The following CTNNA2 variants were observed in gnomAD, a reference collection of about 807,000 sequenced individuals.
CTNNA2 encodes catenin alpha 2, also known as catenin alpha-2.
CTNNA2 carries 42 observed loss-of-function variants against 101.0 expected under a neutral mutation model. The ratio of observed to expected loss-of-function variants is 0.42; its 90% CI spans 0.32 to 0.54. CTNNA2 has a LOEUF of 0.54. Among genes scored for constraint, CTNNA2 ranks in the 20% least tolerant of loss-of-function variants. The pLI, the probability that CTNNA2 is intolerant of heterozygous loss-of-function variation, is 0.14. For synonymous variants in CTNNA2, 450 were observed against 456.4 expected, an observed-to-expected ratio of 0.99 and a Z score of 0.18; for missense variants, 871 against 1,223.1, an observed-to-expected ratio of 0.71 and a Z score of 4.29.
At chr2:79,446,518 T>TGG (rs1002634601) in intron 4 of CTNNA2, among the ~76,000 whole-genome samples, 1 of 151,950 alleles carries the variant, frequency 6.6e-6, no homozygotes, top group African/African-American at 2.4e-5. Context: ...TGCACAGGAG[T>TGG]GGAATTACTC....
At chr2:80,231,098 A>G (rs986439527) in intron 7 of CTNNA2, among the ~76,000 whole-genome samples, 6 of 152,060 alleles carry the variant, frequency 3.9e-5, no homozygotes, top group African/African-American at 1.4e-4. Flanking sequence ...CGGCCTCCCA[A>G]GTAGCTGGGA....
At chr2:80,467,481 CA>C (rs1684958059) in intron 9 of CTNNA2, among the ~76,000 whole-genome samples, 1 of 152,030 alleles carries the variant, frequency 6.6e-6, no homozygotes, top group Non-Finnish European at 1.5e-5. Context: ...ATAATTAGTT[CA>C]AAATAAAAGT....
intron 2 of CTNNA2, among the ~76,000 whole-genome samples, chr2:79,213,814 G>A (rs1246459158): frequency 6.6e-6 from 1 of 152,108 alleles, no homozygotes; most frequent in African/African-American, 2.4e-5. Flanking sequence ...GAAAGTATAT[G>A]CGTCAGGTAT....
chr2:79,848,037 A>G (rs1271510146), intron 3 of CTNNA2, among the ~76,000 whole-genome samples: 1 of 152,210 alleles, frequency 6.6e-6, no homozygotes, highest in African/African-American at 2.4e-5. Flanking sequence ...GGTACTGATC[A>G]ATAGAAACAT....
chr2:80,284,013 G>T (rs1303067534), intron 7 of CTNNA2, among the ~76,000 whole-genome samples: 1 of 152,166 alleles, frequency 6.6e-6, no homozygotes, highest in South Asian at 2.1e-4. Context: ...CAATTAGTGT[G>T]AGTAGAATGA....
intron 1 of CTNNA2, among the ~76,000 whole-genome samples, chr2:79,549,924 T>A (rs1573318006): frequency 2.6e-5 from 4 of 152,306 alleles, no homozygotes; most frequent in Admixed American, 2.6e-4. Flanking sequence ...AACCGAGAGT[T>A]CTGCTATTTA....
At chr2:80,322,889 G>C (rs1475093798) in intron 7 of CTNNA2, among the ~76,000 whole-genome samples, 1 of 152,210 alleles carries the variant, frequency 6.6e-6, no homozygotes, top group East Asian at 1.9e-4. Flanking sequence ...AAAAGAGAAC[G>C]CCGCCTTCCC....
chr2:79,472,057 C>T (rs923320859), intron 4 of CTNNA2, among the ~76,000 whole-genome samples: 1 of 152,140 alleles, frequency 6.6e-6, no homozygotes, highest in Non-Finnish European at 1.5e-5. Flanking sequence ...ATGAGTGACA[C>T]CCCATGTCTA....
intron 7 of CTNNA2, chr2:80,162,953 T>C: frequency 6.5e-7 from 1 of 1,540,826 alleles, no homozygotes; most frequent in Non-Finnish European, 9.0e-7. Context: ...ATTGGGGATA[T>C]GGCAAACTGA....
intron 9 of CTNNA2, among the ~76,000 whole-genome samples, chr2:80,485,770 C>T (rs908810184): frequency 7.9e-5 from 12 of 152,162 alleles, no homozygotes; most frequent in Admixed American, 3.9e-4. Context: ...AGCCAGGGCA[C>T]TTTCTAGTTT....
At chr2:80,329,647 G>C (rs1464848554) in intron 7 of CTNNA2, among the ~76,000 whole-genome samples, 5 of 152,160 alleles carry the variant, frequency 3.3e-5, no homozygotes, top group Admixed American at 6.5e-5. Context: ...TGTGCCTCCA[G>C]ATACATTTGC....
At chr2:79,945,810 G>A (rs113922917) in intron 7 of CTNNA2, among the ~76,000 whole-genome samples, 3,189 of 152,142 alleles carry the variant, frequency 0.021, 46 homozygotes, top group Middle Eastern at 0.048. Flanking sequence ...ATAAAGTACG[G>A]GGCACCAAGA....
chr2:80,511,080 CA>C (rs1161378213), intron 9 of CTNNA2, among the ~76,000 whole-genome samples: 1 of 152,094 alleles, frequency 6.6e-6, no homozygotes. Context: ...TTTAGAGAGC[CA>C]AAGTTTTTGC....
At chr2:80,098,759 T>C (rs1700345569) in intron 7 of CTNNA2, among the ~76,000 whole-genome samples, 1 of 152,156 alleles carries the variant, frequency 6.6e-6, no homozygotes, top group South Asian at 2.1e-4. Context: ...CTCAGACTGC[T>C]GTGCTAGCAA....
chr2:79,977,307 A>G (rs1361946351), intron 7 of CTNNA2, among the ~76,000 whole-genome samples: 1 of 151,966 alleles, frequency 6.6e-6, no homozygotes. Flanking sequence ...ATGTAGACCC[A>G]GGGGCAGTTT....
intron 1 of CTNNA2, among the ~76,000 whole-genome samples, chr2:79,598,297 C>T (rs879599888): frequency 1.3e-5 from 2 of 152,186 alleles, no homozygotes; most frequent in Admixed American, 1.3e-4. Flanking sequence ...TGTGTGGACA[C>T]ATGATTTCAT....
intron 7 of CTNNA2, among the ~76,000 whole-genome samples, chr2:79,933,325 C>T (rs1008873056): frequency 6.6e-6 from 1 of 152,116 alleles, no homozygotes; most frequent in Non-Finnish European, 1.5e-5. Context: ...ACCTTTCTAA[C>T]AACACTGTTC....
chr2:79,607,547 AC>A (rs1466323467), intron 1 of CTNNA2, among the ~76,000 whole-genome samples: 1 of 152,170 alleles, frequency 6.6e-6, no homozygotes, highest in Non-Finnish European at 1.5e-5. Context: ...TAAGGCATAA[AC>A]TGGTAAGTTG....
intron 2 of CTNNA2, among the ~76,000 whole-genome samples, chr2:79,727,828 T>C (rs1483881092): frequency 2.0e-5 from 3 of 148,802 alleles, no homozygotes; most frequent in African/African-American, 7.4e-5. Context: ...ATATGCAGTG[T>C]TTGGTTTTTT....
Sources: allele counts gnomAD v4.1 joint callset (sites outside exome capture counted in the v4.1 genomes callset), GRCh38; gene constraint gnomAD v4.1.1; transcripts MANE v1.5; gene names NCBI Gene and HGNC (gene_info 2026-07-23, HGNC 2026-07-21).